KCNQ4: variants seen among roughly 807,000 people sequenced by gnomAD.
The protein encoded by KCNQ4 is potassium voltage-gated channel subfamily Q member 4, also known as potassium voltage-gated channel subfamily KQT member 4.
A neutral mutation model predicts 72.6 loss-of-function variants in KCNQ4; 31 were observed. That is an observed-to-expected ratio of 0.43 (90% CI 0.32 to 0.58). KCNQ4 has a LOEUF of 0.58. Among genes scored for constraint, KCNQ4 ranks in the 20% least tolerant of loss-of-function variants. KCNQ4 has a pLI of 0.08. For synonymous variants in KCNQ4, 405 were observed against 403.7 expected, an observed-to-expected ratio of 1.00 and a Z score of -0.04; for missense variants, 869 against 962.6, an observed-to-expected ratio of 0.90 and a Z score of 1.29.
chr1:40,838,343 G>C lies in KCNQ4; in HGVS notation c.1908G>C (p.Leu636=). The C allele has an allele frequency of 6.2e-7, 1 of 1,613,912 alleles. No individual in the cohort carries two copies. Among genetic ancestry groups the C allele is most frequent in the Non-Finnish European group, 8.5e-7 (1 of 1,179,938 alleles). The change falls in exon 14 of 14, where the codon CTG becomes CTC. Residue 636 remains leucine (L), a synonymous_variant. Transcript: ENST00000347132. The part of the protein sequence containing the change: ...VQSIEHKLDL[L]LGFYSRCLRS... ...CCATCGAGCACAAGCTGGACCTGCTGTTGGGCTTCTATTCGCGCTGCCTGC... is the reference window on the plus strand; with the variant it reads ...CCATCGAGCACAAGCTGGACCTGCTCTTGGGCTTCTATTCGCGCTGCCTGC...
At chr1:40,806,468 G>A (rs532199070) in intron 1 of KCNQ4, among the ~76,000 whole-genome samples, 16 of 152,310 alleles carry the variant, frequency 1.1e-4, no homozygotes, top group African/African-American at 3.1e-4. Context: ...AGGCTGGCAC[G>A]GCAGAAGGAA....
At chr1:40,804,251 A>G (rs1037520635) in intron 1 of KCNQ4, among the ~76,000 whole-genome samples, 5 of 152,148 alleles carry the variant, frequency 3.3e-5, no homozygotes, top group African/African-American at 9.7e-5. Flanking sequence ...GGATGAGGGA[A>G]TTTTTGAGGT....
intron 1 of KCNQ4, among the ~76,000 whole-genome samples, chr1:40,806,121 G>A (rs1054421534): frequency 2.0e-5 from 3 of 152,208 alleles, no homozygotes; most frequent in Admixed American, 1.3e-4. Context: ...GATTACAGGC[G>A]TGAGCCACCG....
chr1:40,828,935 C>T (rs1054842160), intron 9 of KCNQ4, among the ~76,000 whole-genome samples: 1 of 152,254 alleles, frequency 6.6e-6, no homozygotes, highest in Admixed American at 6.5e-5. Context: ...ACCCCACAAA[C>T]CAGACTGGAA....
chr1:40,833,833 CAA>C (rs200163500), intron 11 of KCNQ4, among the ~76,000 whole-genome samples: 11 of 100,654 alleles, frequency 1.1e-4, no homozygotes, highest in Non-Finnish European at 1.2e-4. Flanking sequence ...CTTGTCTTTG[CAA>C]AAAAAAAAAA....
At chr1:40,834,372 C>T (rs982556440) in intron 11 of KCNQ4, among the ~76,000 whole-genome samples, 1 of 152,102 alleles carries the variant, frequency 6.6e-6, no homozygotes, top group African/African-American at 2.4e-5. Context: ...TCCCCCATCC[C>T]CTAAAGCTAG....
At chr1:40,787,451 C>T (rs1040067758) in intron 1 of KCNQ4, among the ~76,000 whole-genome samples, 22 of 152,162 alleles carry the variant, frequency 1.4e-4, no homozygotes, top group Non-Finnish European at 2.9e-4. Context: ...GTATGCCTCC[C>T]TCCCATCTGC....
At chr1:40,819,622 A>G in intron 5 of KCNQ4, 150 bp downstream of exon 5, 1 of 1,039,676 alleles carries the variant, frequency 9.6e-7, no homozygotes, top group Non-Finnish European at 1.4e-6. Flanking sequence ...GACCAGCCCC[A>G]ATGCTAACCC....
rs1291139157 is a variant in KCNQ4, at chr1:40,831,304, G to C, written c.1513G>C (p.Asp505His). The C allele has an allele frequency of 6.3e-7, 1 of 1,591,550 alleles. No individual in the cohort carries two copies. Among genetic ancestry groups the C allele is most frequent in the African/African-American group, 1.3e-5 (1 of 74,668 alleles). ...LRLKPRTSAEDAPSEEVAEEK... is the reference protein window; with the variant it reads ...LRLKPRTSAEHAPSEEVAEEK... Reference sequence around the variant, plus strand: ...ACTCAAACCCCGCACCTCTGCTGAGGGTAAGCCCCCGGGGGGCTGAGTCCG... The same window carrying C: ...ACTCAAACCCCGCACCTCTGCTGAGCGTAAGCCCCCGGGGGGCTGAGTCCG... Residue 505 changes from aspartate (D) to histidine (H), a missense_variant and splice_region_variant, in exon 10 of 14, where the codon GAT (aspartate) becomes CAT (histidine). Asp to His is a moderately conservative substitution (Grantham distance 81, BLOSUM62 -1). Around this residue, in one of 5 missense-constraint regions of KCNQ4, gnomAD observed 480 missense variants for 501.9 expected, o/e 0.96. Coordinates refer to ENST00000347132, the MANE Select transcript of KCNQ4 (RefSeq NM_004700.4).
intron 1 of KCNQ4, among the ~76,000 whole-genome samples, chr1:40,802,976 T>C (rs1345672525): frequency 6.6e-6 from 1 of 152,222 alleles, no homozygotes; most frequent in Non-Finnish European, 1.5e-5. Flanking sequence ...CTGCCTCATT[T>C]AGAAGAGGAG....
chr1:40,831,453 A>G (rs1648645158), intron 10 of KCNQ4, 149 bp downstream of exon 10: 3 of 670,312 alleles, frequency 4.5e-6, no homozygotes, highest in Non-Finnish European at 7.8e-6. Context: ...CATCTGTAAA[A>G]TGGGCATTAT....
At position 40,817,134 on chromosome 1, in the gene KCNQ4, C is replaced by A. The variant is rs1274809136; in HGVS notation, c.315-131C>A. 12 of 767,156 alleles carry A rather than the reference C, an allele frequency of 1.6e-5. No individual in the cohort carries two copies. The highest frequency in any genetic ancestry group is 2.7e-5 in the Non-Finnish European group (12 of 443,076). 47.5% of individuals were successfully genotyped at this position (767,156 alleles called of 1,614,324 possible). On this transcript the variant is annotated intron_variant, in intron 1 of 13. Transcript: ENST00000347132. This position sits in a 1 kb window ranked among gnomAD's most constrained non-coding sequence, Gnocchi z 5.5. ...ACAGAGCTGTAACTCCAGGGAATTC[C>A]AATTCTGATTTCCACATAATTTTCT...
intron 8 of KCNQ4, among the ~76,000 whole-genome samples, chr1:40,823,340 T>G (rs1648366688): frequency 6.6e-6 from 1 of 151,620 alleles, no homozygotes; most frequent in Non-Finnish European, 1.5e-5. Flanking sequence ...GTGACTAGAT[T>G]AGAAGAGAGG....
At chr1:40,804,668 A>G (rs535070868) in intron 1 of KCNQ4, among the ~76,000 whole-genome samples, 1 of 151,672 alleles carries the variant, frequency 6.6e-6, no homozygotes, top group South Asian at 2.1e-4. Flanking sequence ...ATAAATATAA[A>G]TTAGTCGGGC....
rs201302712 is a variant in KCNQ4, at chr1:40,816,917, CT to C, written c.315-347del. Among the ~76,000 whole-genome samples the C allele has an allele frequency of 6.0e-3, 919 of 152,328 alleles. 13 individuals carry two copies. Among genetic ancestry groups the C allele is most frequent in the African/African-American group, 0.021 (882 of 41,568 alleles). On this transcript the variant is annotated intron_variant, in intron 1 of 13. Coordinates refer to ENST00000347132, the MANE Select transcript of KCNQ4 (RefSeq NM_004700.4). ...TCTCCCAAGACATCTTAAAACCAAG[CT>C]GGGGCCAAGGCCACCACTTGTGGAT...
chr1:40,809,179 C>T (rs1014965646), intron 1 of KCNQ4, among the ~76,000 whole-genome samples: 2 of 152,210 alleles, frequency 1.3e-5, no homozygotes, highest in South Asian at 4.1e-4. Context: ...TCTGCTTTCC[C>T]TCCCAGCTCT....
chr1:40,797,432 A>C (rs1647447638), intron 1 of KCNQ4, among the ~76,000 whole-genome samples: 1 of 152,246 alleles, frequency 6.6e-6, no homozygotes, highest in African/African-American at 2.4e-5. Flanking sequence ...GCAAGAAGTC[A>C]GAAGAGCGGG....
intron 1 of KCNQ4, among the ~76,000 whole-genome samples, chr1:40,801,863 C>G (rs1647584169): frequency 6.6e-6 from 1 of 152,154 alleles, no homozygotes; most frequent in African/African-American, 2.4e-5. Context: ...TTCCTACTCA[C>G]TCCTGACTTT....
rs372743618 is a variant in KCNQ4, at chr1:40,838,665, A to C, written c.*142A>C. The C allele has an allele frequency of 6.1e-5, 49 of 802,660 alleles. No individual in the cohort carries two copies. In the East Asian group the frequency reaches 6.7e-4, roughly 11 times the overall value. 49.7% of individuals were successfully genotyped at this position (802,660 alleles called of 1,614,324 possible). ...ACCACACGCAGTATTGAGCTGCCTG[A>C]GTGGGCGTGGTACCTGCTGTGGGTG... is the stretch of plus-strand genomic sequence containing the variant. On this transcript the variant is annotated 3_prime_UTR_variant, in exon 14 of 14. Coordinates refer to ENST00000347132, the MANE Select transcript of KCNQ4 (RefSeq NM_004700.4).
Sources: allele counts gnomAD v4.1 joint callset (sites outside exome capture counted in the v4.1 genomes callset), GRCh38; gene constraint gnomAD v4.1.1; regional missense constraint gnomAD v4.1.1; non-coding constraint Gnocchi (gnomAD v3.1); transcripts MANE v1.5; gene names NCBI Gene and HGNC (gene_info 2026-07-23, HGNC 2026-07-21).